The following TPD52L2 variants were observed in gnomAD, a reference collection of about 807,000 sequenced individuals.
The protein encoded by TPD52L2 is TPD52 like 2, also known as tumor protein D54.
TPD52L2 carries 19 observed loss-of-function variants against 24.7 expected under a neutral mutation model. The observed-to-expected ratio is 0.77, with a 90% confidence interval of 0.54 to 1.13. The LOEUF (loss-of-function observed/expected upper bound fraction) is 1.13. Ranked by LOEUF, TPD52L2 falls within the 50% of genes most tolerant of loss-of-function variation. The probability of loss-of-function intolerance (pLI) is 0.00; values close to 1 mark genes in which losing one functional copy is unlikely to be tolerated. For missense variants in TPD52L2, 236 were observed against 250.4 expected (o/e 0.94, Z 0.39); for synonymous variants, 104 against 100.2 (o/e 1.04, Z -0.23).
chr20:63,885,912 G>C (rs878882440), intron 5 of TPD52L2: 1 of 1,239,528 alleles, frequency 8.1e-7, no homozygotes, highest in East Asian at 2.3e-5. Context: ...GACTGAGCAC[G>C]AGCAGGGGGC....
chr20:63,886,236 GC>G (rs1292587078), intron 5 of TPD52L2, among the ~76,000 whole-genome samples: 12 of 152,096 alleles, frequency 7.9e-5, no homozygotes, highest in African/African-American at 2.7e-4. Context: ...CGACGCAGAG[GC>G]CCCCCGGAAC....
intron 1 of TPD52L2, among the ~76,000 whole-genome samples, chr20:63,865,599 A>G (rs952169662): frequency 1.3e-5 from 2 of 151,946 alleles, no homozygotes; most frequent in African/African-American, 4.8e-5. Flanking sequence ...GGCTCTCTCC[A>G]GCCGCCCTCC....
intron 5 of TPD52L2, among the ~76,000 whole-genome samples, chr20:63,886,571 G>A (rs372810635): frequency 6.0e-4 from 91 of 151,630 alleles, no homozygotes; most frequent in African/African-American, 1.7e-3. Flanking sequence ...CCGTGGTCTC[G>A]ATCTCCCGAC....
intron 2 of TPD52L2, among the ~76,000 whole-genome samples, chr20:63,871,012 G>A (rs895390153): frequency 1.3e-5 from 2 of 150,806 alleles, no homozygotes; most frequent in African/African-American, 2.4e-5. Flanking sequence ...CACTGTGCCC[G>A]GCCCCTACAA....
Position 63,889,921 on chromosome 20 carries a change from C to T in TPD52L2, c.597C>T (p.Pro199=). 2 of 1,614,152 alleles carry T rather than the reference C, an allele frequency of 1.2e-6. No homozygotes were observed. The highest frequency in any genetic ancestry group is 2.2e-5 in the South Asian group (2 of 91,090). Residue 199 remains proline, a synonymous_variant, in exon 7 of 7, where the codon CCC becomes CCT. Coordinates refer to ENST00000346249, the MANE Select transcript of TPD52L2 (RefSeq NM_003288.4). ...LPSSAGSGDK[P]LSDPAPF ...CCTCAGCGGGGAGTGGTGACAAGCCCCTGTCGGATCCCGCACCTTTCTAAG... is the reference window on the plus strand; with the variant it reads ...CCTCAGCGGGGAGTGGTGACAAGCCTCTGTCGGATCCCGCACCTTTCTAAG...
In TPD52L2 at chr20:63,872,590, C is replaced by G. The variant is rs564125736; in HGVS notation, c.166-1078C>G. 4.6e-5 allele frequency among the ~76,000 whole-genome samples: 7 copies of G among 151,770 alleles called. No homozygotes were observed. The South Asian group carries it at 1.5e-3, about 32-fold the overall frequency. ...ACGGGGTTTTGTCATGTTGGCCAGG[C>G]TGGTCTCAAACTCCTGACCTCAGAT... On this transcript the variant is annotated intron_variant, in intron 2 of 6. Coordinates refer to ENST00000346249, the MANE Select transcript of TPD52L2 (RefSeq NM_003288.4).
chr20:63,889,907 A>T lies in TPD52L2; in HGVS notation c.583A>T (p.Ser195Cys). Residue 195 changes from serine to cysteine, a missense_variant, in exon 7 of 7, where the codon AGT (serine) becomes TGT (cysteine). Ser to Cys is a moderately radical substitution (Grantham distance 112, BLOSUM62 -1). Coordinates refer to ENST00000346249, the MANE Select transcript of TPD52L2 (RefSeq NM_003288.4). ...TGACAACCTCCCTTCCTCAGCGGGG[A>T]GTGGTGACAAGCCCCTGTCGGATCC... ...GSDNLPSSAG[S>C]GDKPLSDPAP... The T allele has an allele frequency of 6.2e-7, 1 of 1,614,114 alleles. No individual in the cohort carries two copies. Among genetic ancestry groups the T allele is most frequent in the Non-Finnish European group, 8.5e-7 (1 of 1,180,020 alleles).
intron 5 of TPD52L2, 185 bp from the exon 6 acceptor site, chr20:63,889,005 C>T: frequency 1.1e-5 from 7 of 629,604 alleles, no homozygotes; most frequent in Non-Finnish European, 2.0e-5. Flanking sequence ...TTGGGCATGG[C>T]CGACCTCACT....
chr20:63,887,704 GATTA>G, intron 5 of TPD52L2: 6 of 1,242,266 alleles, frequency 4.8e-6, no homozygotes, highest in South Asian at 1.3e-5. Flanking sequence ...CATATTCCTG[GATTA>G]ATTGAGGACT....
In TPD52L2 at chr20:63,882,750, G is replaced by T; in HGVS notation, c.406G>T (p.Ala136Ser). The change falls in exon 5 of 7, where the codon GCA becomes TCA. Residue 136 changes from alanine to serine, a missense_variant. By Grantham distance (99) the Ala-to-Ser change is moderately conservative. Transcript: ENST00000346249. ...YKKTQETLSQ[A>S]GQKTSAALST... Reference sequence around the variant, plus strand: ...GAAGACTCAGGAAACTCTTTCACAGGCAGGACAGAAGACTTCAGCTGCCCT... The same window carrying T: ...GAAGACTCAGGAAACTCTTTCACAGTCAGGACAGAAGACTTCAGCTGCCCT... The T allele has an allele frequency of 6.2e-7, 1 of 1,614,138 alleles. No homozygotes were observed. Among genetic ancestry groups the T allele is most frequent in the Non-Finnish European group, 8.5e-7 (1 of 1,180,002 alleles).
chr20:63,871,636 G>A (rs2052468337), intron 2 of TPD52L2, among the ~76,000 whole-genome samples: 2 of 142,564 alleles, frequency 1.4e-5, no homozygotes, highest in African/African-American at 2.5e-5. Context: ...ACGCAAGAAA[G>A]AGTTTTTTTT....
chr20:63,886,034 C>G, intron 5 of TPD52L2: 1 of 1,614,062 alleles, frequency 6.2e-7, no homozygotes, highest in East Asian at 2.2e-5. Context: ...CATTTTCACA[C>G]TCCTTTAGGT....
intron 1 of TPD52L2, among the ~76,000 whole-genome samples, chr20:63,869,023 G>A (rs946086673): frequency 1.3e-5 from 2 of 152,214 alleles, no homozygotes; most frequent in Non-Finnish European, 2.9e-5. Context: ...TATTCTCACT[G>A]GGAAGCCAGA....
intron 1 of TPD52L2, among the ~76,000 whole-genome samples, chr20:63,868,035 T>G (rs1293340901): frequency 6.6e-6 from 1 of 151,744 alleles, no homozygotes; most frequent in Non-Finnish European, 1.5e-5. Flanking sequence ...TGCCTCAGCC[T>G]CCCAAGTAGC....
At chr20:63,885,472 C>T (rs938465581) in intron 5 of TPD52L2, among the ~76,000 whole-genome samples, 14 of 152,230 alleles carry the variant, frequency 9.2e-5, no homozygotes, top group African/African-American at 3.1e-4. Flanking sequence ...TCCAGGTTGG[C>T]GTCTGTGGGC....
intron 4 of TPD52L2, among the ~76,000 whole-genome samples, chr20:63,876,454 CAGT>C (rs780907658): frequency 6.6e-5 from 10 of 152,118 alleles, no homozygotes; most frequent in Non-Finnish European, 1.5e-5. Flanking sequence ...ATGTGTGTGT[CAGT>C]GGTGTTGTTC....
In TPD52L2 at chr20:63,889,764, T is replaced by C. The variant is rs1568965509; in HGVS notation, c.526-86T>C. ...AGTGTTCGTGTTACATAAGCTTTTG[T>C]AGAGCATTGAGCATGGGCCTGGGAT... On this transcript the variant is annotated intron_variant, in intron 6 of 6. Coordinates refer to ENST00000346249, the MANE Select transcript of TPD52L2 (RefSeq NM_003288.4). 7 of 1,307,272 alleles carry C rather than the reference T, an allele frequency of 5.4e-6. No individual in the cohort carries two copies. In the East Asian group the frequency reaches 1.6e-4, roughly 31 times the overall value. The allele number at this position is 1,307,272 out of a possible 1,614,324, so 81.0% of individuals were successfully genotyped here.
intron 3 of TPD52L2, among the ~76,000 whole-genome samples, chr20:63,875,611 G>T (rs952261895): frequency 2.0e-5 from 3 of 152,212 alleles, no homozygotes; most frequent in Non-Finnish European, 4.4e-5. Flanking sequence ...GGGAACATCA[G>T]TTCCGCTATA....
rs755967415 is a variant in TPD52L2, at chr20:63,886,058, GAC to G, written c.477-3127_477-3126del. ...ACTCCTTTAGGTAAGGCTGAGCCTG[GAC>G]ACACCTGTGGAAGACTTTTCTCTGA... On this transcript the variant is annotated intron_variant, in intron 5 of 6. Coordinates refer to ENST00000346249, the MANE Select transcript of TPD52L2 (RefSeq NM_003288.4). 3 of 1,613,974 alleles carry G rather than the reference GAC, an allele frequency of 1.9e-6. 1 individual carries two copies.
Sources: gnomAD v4.1 joint callset for allele counts (sites outside exome capture counted in the v4.1 genomes callset) on GRCh38, gnomAD v4.1.1 for gene constraint, MANE v1.5 for transcripts, NCBI Gene and HGNC (gene_info 2026-07-23, HGNC 2026-07-21) for gene names.